The following DHX16 variants were observed in gnomAD, a reference collection of about 807,000 sequenced individuals.
The protein encoded by DHX16 is DEAH-box helicase 16.
Under a neutral mutation model 131.2 loss-of-function variants are expected in DHX16, and 81 were observed. The ratio of observed to expected loss-of-function variants is 0.62; its 90% CI spans 0.52 to 0.74. The LOEUF is 0.74. Among genes scored for constraint, DHX16 ranks in the 30% least tolerant of loss-of-function variants. The pLI, the probability that DHX16 is intolerant of heterozygous loss-of-function variation, is 0.00. For synonymous variants in DHX16, 440 were observed against 520.2 expected (o/e 0.85, Z 2.10); for missense variants, 980 against 1,363.1 (o/e 0.72, Z 4.43).
Position 30,672,812 on chromosome 6 carries a change from C to G in DHX16, c.30G>C (p.Trp10Cys). MATPAGLER[W>C]VQDELHSVLG... Reference sequence around the variant, plus strand: ...ACACCGAGTGCAGCTCGTCCTGAACCCAGCGCTCCAGACCCGCCGGCGTCG... The same window carrying G: ...ACACCGAGTGCAGCTCGTCCTGAACGCAGCGCTCCAGACCCGCCGGCGTCG... The change falls in exon 1 of 20, where the codon TGG becomes TGC. Residue 10 changes from tryptophan (W) to cysteine (C), a missense_variant. Trp to Cys is a radical substitution (Grantham distance 215). Around this residue, in one of 3 missense-constraint regions of DHX16, gnomAD observed 457 missense variants for 554.8 expected, o/e 0.82. Transcript: ENST00000376442. The G allele has an allele frequency of 6.2e-7, 1 of 1,612,882 alleles. No homozygotes were observed. Among genetic ancestry groups the G allele is most frequent in the Non-Finnish European group, 8.5e-7 (1 of 1,179,978 alleles).
chr6:30,664,003 G>A (rs1455872754), intron 7 of DHX16, among the ~76,000 whole-genome samples: 1 of 150,686 alleles, frequency 6.6e-6, no homozygotes, highest in East Asian at 2.0e-4. Flanking sequence ...CCAGCCTGGT[G>A]ACAGAGCAAG....
Position 30,655,462 on chromosome 6 carries a change from G to A in DHX16, c.2634C>T (p.His878=). 1 of 1,613,604 alleles carries A rather than the reference G, an allele frequency of 6.2e-7. No individual in the cohort carries two copies. The highest frequency in any genetic ancestry group is 8.5e-7 in the Non-Finnish European group (1 of 1,180,038). ...GTGTGTAAACATTTAGCAGAACCAG[G>A]TGGTCACCGCCAGGGAGAAAGAAGT... is the stretch of plus-strand genomic sequence containing the variant. ...RVNFFLPGGD[H]LVLLNVYTQW... The change falls in exon 17 of 20, where the codon CAC becomes CAT. Residue 878 remains histidine (H), a synonymous_variant. Coordinates refer to ENST00000376442, the MANE Select transcript of DHX16 (RefSeq NM_003587.5).
Position 30,671,055 on chromosome 6 carries a change from T to G in DHX16, c.427A>C (p.Lys143Gln). ...ACTTACCCTGTTTTCTTCTTCCCTT[T>G]CTCAGAAGCCTCTTCCTCCTCTTCT... ...EEEEEEEASE[K>Q]GKKKTGGSKQ... Residue 143 changes from lysine (K) to glutamine (Q), a missense_variant, in exon 2 of 20, where the codon AAA (lysine) becomes CAA (glutamine). Physicochemically the swap from Lys to Gln is moderately conservative, Grantham distance 53. Transcript: ENST00000376442. The G allele has an allele frequency of 6.2e-7, 1 of 1,613,074 alleles. No individual in the cohort carries two copies. The highest frequency in any genetic ancestry group is 2.2e-5 in the East Asian group (1 of 44,882).
At chr6:30,664,039 A>T (rs2127588448) in intron 7 of DHX16, among the ~76,000 whole-genome samples, 1 of 150,988 alleles carries the variant, frequency 6.6e-6, no homozygotes, top group African/African-American at 2.4e-5. Context: ...AAAACAAAAA[A>T]TGTTTAATAT....
At position 30,665,418 on chromosome 6, in the gene DHX16, G is replaced by A. The variant is rs964014557; in HGVS notation, c.921+61C>T. The stretch of plus-strand genomic sequence containing the variant: ...TGACCCACGTGTTGCCCAATCCCCT[G>A]AAGCCTTCCCCACAACTTGTCTTGG... On this transcript the variant is annotated intron_variant, in intron 5 of 19. Coordinates refer to ENST00000376442, the MANE Select transcript of DHX16 (RefSeq NM_003587.5). This position sits in a 1 kb window ranked among gnomAD's most constrained non-coding sequence, Gnocchi z 4.8. 49 of 1,588,334 alleles carry A rather than the reference G, an allele frequency of 3.1e-5. 1 individual carries two copies. The Middle Eastern group carries it at 6.8e-4, about 22-fold the overall frequency.
At chr6:30,664,053 C>T (rs1040513083) in intron 7 of DHX16, among the ~76,000 whole-genome samples, 2 of 150,842 alleles carry the variant, frequency 1.3e-5, no homozygotes, top group African/African-American at 4.9e-5. Context: ...TTAATATGGG[C>T]ATGGTGGTGT....
Position 30,672,983 on chromosome 6 carries a change from C to T in DHX16, c.-142G>A, listed in dbSNP as rs1212534715. ...TGGGACCTCTAGGATCTTCCGACAT[C>T]CCAAAGCTGTCTTCCCGTACCGCGG... On this transcript the variant is annotated 5_prime_UTR_variant, in exon 1 of 20. Transcript: ENST00000376442. 2 of 1,551,368 alleles carry T rather than the reference C, an allele frequency of 1.3e-6. No homozygotes were observed. Among genetic ancestry groups the T allele is most frequent in the Non-Finnish European group, 1.7e-6 (2 of 1,146,948 alleles).
Position 30,669,744 on chromosome 6 carries a change from TAAAAAAAAAAAAA to T in DHX16, c.666+653_666+665del, listed in dbSNP as rs953317689. Among the ~76,000 whole-genome samples, 10 of 113,818 alleles carry T rather than the reference TAAAAAAAAAAAAA, an allele frequency of 8.8e-5. 1 individual carries two copies. Among genetic ancestry groups the T allele is most frequent in the Admixed American group, 5.6e-4 (6 of 10,664 alleles). The allele number at this position is 113,818 out of a possible 152,430, so 74.7% of individuals were successfully genotyped here. A position where few individuals can be genotyped will look rare whatever the true frequency, so the allele number is the denominator to read the frequency against. On this transcript the variant is annotated intron_variant, in intron 4 of 19. Coordinates refer to ENST00000376442, the MANE Select transcript of DHX16 (RefSeq NM_003587.5). ...CGTTTCAAAAAAAAGAAAAAAGGTTTAAAAAAAAAAAAAAAAAAAAAAAGGAACTTCAAGAGTC... is the reference window on the plus strand; with the variant it reads ...CGTTTCAAAAAAAAGAAAAAAGGTTTAAAAAAAAAAGGAACTTCAAGAGTC...
At position 30,656,715 on chromosome 6, in the gene DHX16, T is replaced by C. The variant is rs756693377; in HGVS notation, c.2193A>G (p.Ala731=). The C allele has an allele frequency of 2.7e-5, 44 of 1,612,962 alleles. No homozygotes were observed. The highest frequency in any genetic ancestry group is 4.4e-5 in the South Asian group (4 of 91,090). The change falls in exon 14 of 20, where the codon GCA becomes GCG. Residue 731 remains alanine (A), a synonymous_variant. Transcript: ENST00000376442. The surrounding 1 kb of genome is among the most constrained non-coding windows in gnomAD (Gnocchi z 5.1). ...CGGTATACAGGCGGAAGCACTTCCC[T>C]GCAGCCACCCGACCTGCCCTGCCAG... ...QRAGRAGRVA[A]GKCFRLYTAW...
chr6:30,657,120 G>A, intron 12 of DHX16, 28 bp from the exon 13 acceptor site: 2 of 1,590,158 alleles, frequency 1.3e-6, no homozygotes, highest in Non-Finnish European at 8.6e-7. Context: ...GGGTCACCCA[G>A]TGACCCCACC....
Position 30,665,353 on chromosome 6 carries a change from C to T in DHX16, c.922-79G>A, listed in dbSNP as rs1011739311. ...TCTCCCCTCTTCCCATTACTACCCC[C>T]GCCCACTGCCCATTGGGAACGGCAA... On this transcript the variant is annotated intron_variant, in intron 5 of 19. Coordinates refer to ENST00000376442, the MANE Select transcript of DHX16 (RefSeq NM_003587.5). This position sits in a 1 kb window ranked among gnomAD's most constrained non-coding sequence, Gnocchi z 4.8. 1.2e-5 allele frequency: 19 copies of T among 1,586,862 alleles called. No homozygotes were observed. Among genetic ancestry groups the T allele is most frequent in the Middle Eastern group, 3.9e-4 (2 of 5,188 alleles).
rs1409396817 is a variant in DHX16 at position 30,672,949 on chromosome 6, C to T, written c.-108G>A. On this transcript the variant is annotated 5_prime_UTR_variant, in exon 1 of 20. Coordinates refer to ENST00000376442, the MANE Select transcript of DHX16 (RefSeq NM_003587.5). ...CGGCTGGAGCCTCAGCTTCGCAAGT[C>T]AGCTACCTTGGGACCTCTAGGATCT... 4 of 1,557,300 alleles carry T rather than the reference C, an allele frequency of 2.6e-6. No individual in the cohort carries two copies. Among genetic ancestry groups the T allele is most frequent in the Non-Finnish European group, 3.5e-6 (4 of 1,150,154 alleles).
At position 30,662,163 on chromosome 6, in the gene DHX16, T is replaced by C. The variant is rs1408023768; in HGVS notation, c.1544+464A>G. 6.6e-6 allele frequency among the ~76,000 whole-genome samples: 1 copy of C among 152,060 alleles called. No homozygotes were observed. Among genetic ancestry groups the C allele is most frequent in the Non-Finnish European group, 1.5e-5 (1 of 68,018 alleles). ...AACCACTCTGACAGGCCCTGCAATC[T>C]CCACCACTCTGAGGGTTACTCAGCC... On this transcript the variant is annotated intron_variant, in intron 9 of 19. Coordinates refer to ENST00000376442, the MANE Select transcript of DHX16 (RefSeq NM_003587.5). The surrounding 1 kb of genome is among the most constrained non-coding windows in gnomAD (Gnocchi z 4.7).
chr6:30,665,507 T>A lies in DHX16; in HGVS notation c.893A>T (p.Tyr298Phe). Residue 298 changes from tyrosine (Y) to phenylalanine (F), a missense_variant, in exon 5 of 20, where the codon TAC becomes TTC. Transcript: ENST00000376442. The surrounding 1 kb of genome is among the most constrained non-coding windows in gnomAD (Gnocchi z 4.8). ...TCCTCGGGTTTCCTTGGGCATGTGG[T>A]AGCGATTGGTGGCCTCCAGCTTCTC... ...EQEKLEATNRYHMPKETRGQP... is the reference protein window; with the variant it reads ...EQEKLEATNRFHMPKETRGQP... The A allele has an allele frequency of 6.2e-7, 1 of 1,612,972 alleles. No individual in the cohort carries two copies. Among genetic ancestry groups the A allele is most frequent in the Non-Finnish European group, 8.5e-7 (1 of 1,179,996 alleles).
Position 30,665,803 on chromosome 6 carries a change from C to G in DHX16, c.667-70G>C, listed in dbSNP as rs1203995991. On this transcript the variant is annotated intron_variant, in intron 4 of 19. Transcript: ENST00000376442. The surrounding 1 kb of genome is among the most constrained non-coding windows in gnomAD (Gnocchi z 4.8). Reference sequence around the variant, plus strand: ...CAACCCCTTTCTCTACCAATCCCTACAAGGGAAAAATCCCCTGACAGGCAG... The same window carrying G: ...CAACCCCTTTCTCTACCAATCCCTAGAAGGGAAAAATCCCCTGACAGGCAG... 6.5e-7 allele frequency: 1 copy of G among 1,540,776 alleles called. No individual in the cohort carries two copies. The highest frequency in any genetic ancestry group is 8.7e-7 in the Non-Finnish European group (1 of 1,150,494).
intron 4 of DHX16, among the ~76,000 whole-genome samples, chr6:30,669,511 T>A (rs2127594025): frequency 6.6e-6 from 1 of 151,284 alleles, no homozygotes; most frequent in East Asian, 2.0e-4. Context: ...TAATTCCAGC[T>A]CTCTGGGAGG....
chr6:30,670,564 C>T lies in DHX16; in HGVS notation c.610-98G>A. The T allele has an allele frequency of 7.3e-7, 1 of 1,376,800 alleles. No individual in the cohort carries two copies. The highest frequency in any genetic ancestry group is 1.0e-6 in the Non-Finnish European group (1 of 997,290). 85.3% of individuals were successfully genotyped at this position (1,376,800 alleles called of 1,614,324 possible). A position where few individuals can be genotyped will look rare whatever the true frequency, so the allele number is the denominator to read the frequency against. Reference sequence around the variant, plus strand: ...ATCACAAGGATCATTCAGATGCGCCCTAACACAAAAAATGTCCCCTCTCAG... The same window carrying T: ...ATCACAAGGATCATTCAGATGCGCCTTAACACAAAAAATGTCCCCTCTCAG... On this transcript the variant is annotated intron_variant, in intron 3 of 19. Coordinates refer to ENST00000376442, the MANE Select transcript of DHX16 (RefSeq NM_003587.5). This position sits in a 1 kb window ranked among gnomAD's most constrained non-coding sequence, Gnocchi z 4.4.
At position 30,655,334 on chromosome 6, in the gene DHX16, C is replaced by G. The variant is rs1373215963; in HGVS notation, c.2664G>C (p.Trp888Cys). The G allele has an allele frequency of 6.2e-7, 1 of 1,614,052 alleles. No homozygotes were observed. The highest frequency in any genetic ancestry group is 8.5e-7 in the Non-Finnish European group (1 of 1,179,954). The change falls in exon 18 of 20, where the codon TGG becomes TGC. Residue 888 changes from tryptophan to cysteine, a missense_variant and splice_region_variant. Coordinates refer to ENST00000376442, the MANE Select transcript of DHX16 (RefSeq NM_003587.5). ...ACTGGGAAGAGTAACCACTCTCAGC[C>G]CACTGGGAAGACAGTTAAAAAGAAA... ...HLVLLNVYTQ[W>C]AESGYSSQWC...
At position 30,662,050 on chromosome 6, in the gene DHX16, C is replaced by T; in HGVS notation, c.1544+577G>A. 1.7e-6 allele frequency: 1 copy of T among 591,856 alleles called. No individual in the cohort carries two copies. The highest frequency in any genetic ancestry group is 3.0e-6 in the Non-Finnish European group (1 of 328,240). 36.7% of individuals were successfully genotyped at this position (591,856 alleles called of 1,614,324 possible). ...CCCCCTCAACACATGTTCAACCAAC[C>T]CCTGCTTGGCCATTTCCAGCACTAA... is the stretch of plus-strand genomic sequence containing the variant. On this transcript the variant is annotated intron_variant, in intron 9 of 19. Transcript: ENST00000376442. The surrounding 1 kb of genome is among the most constrained non-coding windows in gnomAD (Gnocchi z 4.7).
Sources: allele counts gnomAD v4.1 joint callset (sites outside exome capture counted in the v4.1 genomes callset), GRCh38; gene constraint gnomAD v4.1.1; regional missense constraint gnomAD v4.1.1; non-coding constraint Gnocchi (gnomAD v3.1); transcripts MANE v1.5; gene names NCBI Gene and HGNC (gene_info 2026-07-23, HGNC 2026-07-21).